The following FRAS1 variants were observed in gnomAD, a reference collection of about 807,000 sequenced individuals.
FRAS1 encodes the protein Fraser extracellular matrix complex subunit 1.
A neutral mutation model predicts 435.2 loss-of-function variants in FRAS1; 290 were observed. The ratio of observed to expected loss-of-function variants is 0.67; its 90% CI spans 0.61 to 0.73. The LOEUF is 0.73. Among genes scored for constraint, FRAS1 ranks in the 30% least tolerant of loss-of-function variants. The pLI, the probability that FRAS1 is intolerant of heterozygous loss-of-function variation, is 0.00. For missense variants in FRAS1, 4,860 were observed against 5,001.5 expected, an observed-to-expected ratio of 0.97 and a Z score of 0.85; for synonymous variants, 1,800 against 1,851.0, an observed-to-expected ratio of 0.97 and a Z score of 0.71.
In FRAS1 at chr4:78,369,929, A is replaced by G. The variant is rs772018264; in HGVS notation, c.2814A>G (p.Gln938=). ...PNKVLLFGEC[Q]YESCAPQYYL... is the part of the protein sequence containing the mutation. ...AGGTTCTGCTCTTTGGGGAATGTCA[A>G]TACGAGAGCTGCGCCCCACAGTACT... is the stretch of plus-strand genomic sequence containing the variant. Residue 938 remains glutamine (Q), a synonymous_variant, in exon 23 of 74, where the codon CAA becomes CAG. Transcript: ENST00000512123. 4 of 1,613,730 alleles carry G rather than the reference A, an allele frequency of 2.5e-6. No homozygotes were observed. The highest frequency in any genetic ancestry group is 2.2e-5 in the East Asian group (1 of 44,894).
chr4:78,216,901 A>G (rs1038952066), intron 2 of FRAS1, among the ~76,000 whole-genome samples: 1 of 152,178 alleles, frequency 6.6e-6, no homozygotes, highest in Non-Finnish European at 1.5e-5. Flanking sequence ...AGGAGATGCT[A>G]GAAGACCAAT....
At position 78,499,704 on chromosome 4, in the gene FRAS1, T is replaced by C. The variant is rs1301764029; in HGVS notation, c.9116-17T>C. On this transcript the variant is annotated splice_polypyrimidine_tract_variant and intron_variant, in intron 60 of 73. Coordinates refer to ENST00000512123, the MANE Select transcript of FRAS1 (RefSeq NM_025074.7). ...CTATTCTAACTGGCTCTTGTTTTCCTAACCATATTTCCTTAGCCCCCACCA... is the reference window on the plus strand; with the variant it reads ...CTATTCTAACTGGCTCTTGTTTTCCCAACCATATTTCCTTAGCCCCCACCA... 6.2e-7 allele frequency: 1 copy of C among 1,611,148 alleles called. No homozygotes were observed. Among genetic ancestry groups the C allele is most frequent in the Non-Finnish European group, 8.5e-7 (1 of 1,178,112 alleles).
intron 20 of FRAS1, among the ~76,000 whole-genome samples, chr4:78,347,123 C>CT (rs1471466538): frequency 6.6e-6 from 1 of 152,204 alleles, no homozygotes; most frequent in Non-Finnish European, 1.5e-5. Flanking sequence ...TCCACAGGTG[C>CT]TTTTCTTCCT....
At chr4:78,475,842 A>G (rs1719838208) in intron 54 of FRAS1, among the ~76,000 whole-genome samples, 1 of 152,208 alleles carries the variant, frequency 6.6e-6, no homozygotes, top group South Asian at 2.1e-4. Flanking sequence ...CTCAGTCTTT[A>G]CATTTTGCTT....
chr4:78,369,647 T>A (rs1731419481), intron 22 of FRAS1, among the ~76,000 whole-genome samples, 191 bp from the exon 23 acceptor site: 1 of 152,228 alleles, frequency 6.6e-6, no homozygotes, highest in Non-Finnish European at 1.5e-5. Context: ...TAAAATAAGA[T>A]TACCCTTTTC....
intron 9 of FRAS1, among the ~76,000 whole-genome samples, chr4:78,277,321 C>T (rs914213517): frequency 2.6e-5 from 4 of 152,260 alleles, no homozygotes; most frequent in African/African-American, 9.6e-5. Flanking sequence ...CATCCACTGT[C>T]CTGCACCCAC....
intron 2 of FRAS1, among the ~76,000 whole-genome samples, chr4:78,092,261 A>T (rs1371986559): frequency 6.6e-6 from 1 of 152,122 alleles, no homozygotes; most frequent in Non-Finnish European, 1.5e-5. Flanking sequence ...TGTAGGCTGG[A>T]TTGTGGTCAG....
intron 25 of FRAS1, among the ~76,000 whole-genome samples, chr4:78,374,575 T>C (rs527522465): frequency 6.2e-4 from 95 of 152,340 alleles, no homozygotes; most frequent in Non-Finnish European, 1.5e-5. Context: ...GCCCTGTTGA[T>C]ATAGACATAG....
At chr4:78,384,599 C>T (rs570165235) in intron 28 of FRAS1, among the ~76,000 whole-genome samples, 16 of 152,064 alleles carry the variant, frequency 1.1e-4, no homozygotes, top group Non-Finnish European at 1.9e-4. Context: ...GCTACCAGCC[C>T]TTCCAAATAG....
At chr4:78,407,340 T>C (rs372736635) in intron 30 of FRAS1, among the ~76,000 whole-genome samples, 28 of 152,340 alleles carry the variant, frequency 1.8e-4, no homozygotes, top group African/African-American at 6.5e-4. Flanking sequence ...TGCCCAGTAT[T>C]TGAGTATTTG....
Position 78,255,351 on chromosome 4 carries a change from G to A in FRAS1, c.579G>A (p.Gln193=). The change falls in exon 6 of 74, where the codon CAG becomes CAA. Residue 193 remains glutamine (Q), a synonymous_variant. Coordinates refer to ENST00000512123, the MANE Select transcript of FRAS1 (RefSeq NM_025074.7). ...GGGTTGCCCAGTGCTTCACAGCTCA[G>A]TGTCAGCCTCTATTTTGTAACCAGG... ...RNGVAQCFTA[Q]CQPLFCNQDE... 3 of 1,592,186 alleles carry A rather than the reference G, an allele frequency of 1.9e-6. No homozygotes were observed. In the South Asian group the frequency reaches 3.4e-5, roughly 18 times the overall value.
At chr4:78,471,642 T>G (rs1719712816) in intron 51 of FRAS1, among the ~76,000 whole-genome samples, 1 of 152,226 alleles carries the variant, frequency 6.6e-6, no homozygotes, top group South Asian at 2.1e-4. Context: ...TTTGCTCAAA[T>G]CTTGGCTCTC....
chr4:78,421,735 C>T (rs1733794475), intron 33 of FRAS1, 128 bp from the exon 34 acceptor site: 1 of 1,078,672 alleles, frequency 9.3e-7, no homozygotes, highest in Non-Finnish European at 1.4e-6. Flanking sequence ...CCAAGAGCAA[C>T]CTGAGAACAG....
At chr4:78,240,731 CA>C (rs1052976716) in intron 3 of FRAS1, among the ~76,000 whole-genome samples, 2 of 152,010 alleles carry the variant, frequency 1.3e-5, no homozygotes, top group Admixed American at 6.5e-5. Context: ...AGAACTCATC[CA>C]AAGAGATTGT....
At chr4:78,433,738 G>A (rs1448620804) in intron 38 of FRAS1, among the ~76,000 whole-genome samples, 5 of 152,136 alleles carry the variant, frequency 3.3e-5, no homozygotes, top group African/African-American at 7.2e-5. Context: ...TGAATCTTAT[G>A]AAACTCGTGA....
chr4:78,304,691 T>A (rs1398029952), intron 14 of FRAS1, among the ~76,000 whole-genome samples: 1 of 152,166 alleles, frequency 6.6e-6, no homozygotes, highest in East Asian at 1.9e-4. Context: ...AGTTTGTATT[T>A]CTGTGGGATA....
intron 6 of FRAS1, among the ~76,000 whole-genome samples, chr4:78,263,443 C>A (rs965301550): frequency 6.6e-6 from 1 of 152,204 alleles, no homozygotes; most frequent in African/African-American, 2.4e-5. Flanking sequence ...TGCATACGCT[C>A]ACGGGGACTC....
chr4:78,108,533 G>A (rs1303716340), intron 2 of FRAS1, among the ~76,000 whole-genome samples: 2 of 100,322 alleles, frequency 2.0e-5, no homozygotes, highest in Non-Finnish European at 3.9e-5. Context: ...CAGAAATAAA[G>A]ATGTTCTTTG....
At chr4:78,163,333 A>G (rs945829646) in intron 2 of FRAS1, among the ~76,000 whole-genome samples, 8 of 152,086 alleles carry the variant, frequency 5.3e-5, no homozygotes, top group Non-Finnish European at 2.9e-5. Flanking sequence ...TTTTCTCCCT[A>G]TTGTAAGAAA....
Sources: gnomAD v4.1 joint callset for allele counts (sites outside exome capture counted in the v4.1 genomes callset) on GRCh38, gnomAD v4.1.1 for gene constraint, MANE v1.5 for transcripts, NCBI Gene and HGNC (gene_info 2026-07-23, HGNC 2026-07-21) for gene names.